TMEM116: variants seen among roughly 807,000 people sequenced by gnomAD.
TMEM116 encodes transmembrane protein 116.
A neutral mutation model predicts 44.3 loss-of-function variants in TMEM116; 38 were observed. That is an observed-to-expected ratio of 0.86 (90% CI 0.66 to 1.12). TMEM116 has a LOEUF of 1.12. TMEM116 is among the 50% of genes most tolerant of loss of function. The pLI, the probability that TMEM116 is intolerant of heterozygous loss-of-function variation, is 0.00. For missense variants in TMEM116, 354 were observed against 401.7 expected, an observed-to-expected ratio of 0.88 and a Z score of 1.01; for synonymous variants, 132 against 144.8, an observed-to-expected ratio of 0.91 and a Z score of 0.64.
At chr12:111,993,961 C>T in intron 3 of TMEM116, 2 of 613,936 alleles carry the variant, frequency 3.3e-6, no homozygotes, top group Admixed American at 1.9e-5. Flanking sequence ...GACTGCACTA[C>T]AGTAGTTTAT....
At chr12:111,952,343 GAAC>G (rs1202127101) in intron 4 of TMEM116, among the ~76,000 whole-genome samples, 1 of 152,146 alleles carries the variant, frequency 6.6e-6, no homozygotes, top group Non-Finnish European at 1.5e-5. Context: ...TCTACTAGCT[GAAC>G]AACAACAATA....
intron 4 of TMEM116, among the ~76,000 whole-genome samples, chr12:111,964,075 A>G (rs1565908880): frequency 1.3e-5 from 2 of 151,160 alleles, no homozygotes; most frequent in Admixed American, 6.6e-5. Context: ...TCTCATTTCT[A>G]AAATTCTGAA....
At chr12:111,941,088 G>A (rs1290827477) in intron 5 of TMEM116, among the ~76,000 whole-genome samples, 1 of 152,088 alleles carries the variant, frequency 6.6e-6, no homozygotes, top group African/African-American at 2.4e-5. Context: ...TTAAAATATG[G>A]AAGAGTAGGC....
chr12:111,955,031 G>A (rs768397147), intron 4 of TMEM116, among the ~76,000 whole-genome samples: 3 of 152,186 alleles, frequency 2.0e-5, no homozygotes, highest in Non-Finnish European at 4.4e-5. Flanking sequence ...CTTATCCAGT[G>A]CCTGAAAGTT....
chr12:111,997,102 G>A (rs910115259), intron 3 of TMEM116, among the ~76,000 whole-genome samples: 2 of 152,194 alleles, frequency 1.3e-5, no homozygotes, highest in African/African-American at 4.8e-5. Flanking sequence ...AGCTGTGATT[G>A]GGAAGAACCT....
At chr12:112,005,135 A>G in intron 2 of TMEM116, 122 bp downstream of exon 2, 1 of 590,512 alleles carries the variant, frequency 1.7e-6, no homozygotes, top group Non-Finnish European at 2.7e-6. Flanking sequence ...AAGATGATAA[A>G]GAATATCATT....
At chr12:111,983,402 A>G (rs936606772) in intron 4 of TMEM116, among the ~76,000 whole-genome samples, 2 of 151,582 alleles carry the variant, frequency 1.3e-5, no homozygotes, top group Admixed American at 1.3e-4. Flanking sequence ...AGATCATGCC[A>G]CTGCACTCCA....
chr12:111,939,451 CAA>C (rs34320561), intron 5 of TMEM116, among the ~76,000 whole-genome samples: 1,944 of 72,090 alleles, frequency 0.027, 31 homozygotes, highest in African/African-American at 0.081. Flanking sequence ...GAATCCGTCT[CAA>C]AAAAAAAAAA....
chr12:111,949,013 G>C (rs532559517), intron 4 of TMEM116, among the ~76,000 whole-genome samples: 1 of 151,812 alleles, frequency 6.6e-6, no homozygotes, highest in East Asian at 1.9e-4. Flanking sequence ...GTGGGGTGGC[G>C]GGGGTGGCGG....
intron 4 of TMEM116, among the ~76,000 whole-genome samples, chr12:111,971,567 T>C (rs2075340671): frequency 2.7e-5 from 4 of 148,262 alleles, no homozygotes. Context: ...TAACAAAATG[T>C]AGTAGATTAA....
chr12:111,940,527 A>ATATATATATATACACACATATATATGTG (rs2072687382), intron 5 of TMEM116, among the ~76,000 whole-genome samples: 1 of 112,644 alleles, frequency 8.9e-6, no homozygotes, highest in African/African-American at 4.6e-5. Context: ...ATATGTGTAT[A>ATATATATATATACACACATATATATGTG]TATATATATA....
chr12:111,976,717 G>A (rs572802483), intron 4 of TMEM116, among the ~76,000 whole-genome samples: 1 of 152,152 alleles, frequency 6.6e-6, no homozygotes, highest in East Asian at 1.9e-4. Context: ...TAAGGGCTCT[G>A]ATGGAAAAAA....
chr12:111,940,523 GTA>G (rs759583297), intron 5 of TMEM116, among the ~76,000 whole-genome samples: 15,299 of 104,318 alleles, frequency 0.15, 1,043 homozygotes, highest in South Asian at 0.35. Flanking sequence ...ATATATATGT[GTA>G]TATATATATA....
At chr12:111,968,901 G>A (rs1300085445) in intron 4 of TMEM116, among the ~76,000 whole-genome samples, 3 of 147,480 alleles carry the variant, frequency 2.0e-5, no homozygotes, top group African/African-American at 5.0e-5. Flanking sequence ...ACTGAGACAG[G>A]AGAATCGCTT....
chr12:112,003,912 C>A, intron 2 of TMEM116, 49 bp from the exon 3 acceptor site: 2 of 1,423,010 alleles, frequency 1.4e-6, no homozygotes, highest in Non-Finnish European at 1.8e-6. Context: ...CAATGGAGTG[C>A]CATCGTTTTT....
chr12:111,983,244 T>G (rs1010235824), intron 4 of TMEM116, among the ~76,000 whole-genome samples: 1 of 152,158 alleles, frequency 6.6e-6, no homozygotes. Context: ...GAGACCAGCC[T>G]GACCAATATG....
chr12:111,943,220 G>A lies in TMEM116; in HGVS notation c.315+45C>T, dbSNP rs749234466. On this transcript the variant is annotated intron_variant, in intron 5 of 10. Coordinates refer to ENST00000552374, the MANE Select transcript of TMEM116 (RefSeq NM_001193531.2). ...ATTACAGGTAGGAGTCACCACACCC[G>A]GCCTAGCATACTATTATTAACTATC... 1.8e-5 allele frequency: 26 copies of A among 1,482,850 alleles called. No homozygotes were observed. In the South Asian group the frequency reaches 1.8e-4, roughly 10 times the overall value. The allele number at this position is 1,482,850 out of a possible 1,614,324, so 91.9% of individuals were successfully genotyped here.
intron 4 of TMEM116, among the ~76,000 whole-genome samples, chr12:111,958,136 C>T (rs1456121575): frequency 1.6e-4 from 25 of 151,840 alleles, no homozygotes; most frequent in Admixed American, 7.2e-4. Flanking sequence ...ACAAACACTG[C>T]GGAAGGCGGC....
intron 2 of TMEM116, 143 bp from the exon 3 acceptor site, chr12:112,004,006 G>A: frequency 1.6e-6 from 2 of 1,227,604 alleles, no homozygotes; most frequent in Non-Finnish European, 1.1e-6. Flanking sequence ...TTAGACACAG[G>A]GTCTTGCTAT....
Sources: gnomAD v4.1 joint callset for allele counts (sites outside exome capture counted in the v4.1 genomes callset) on GRCh38, gnomAD v4.1.1 for gene constraint, MANE v1.5 for transcripts, NCBI Gene and HGNC (gene_info 2026-07-23, HGNC 2026-07-21) for gene names.